Variants in CDK6 observed in about 807,000 individuals in gnomAD.
CDK6 encodes cyclin-dependent kinase 6.
A neutral mutation model predicts 37.1 loss-of-function variants in CDK6; 6 were observed. The observed-to-expected ratio is 0.16, with a 90% CI of 0.09 to 0.32. The LOEUF (loss-of-function observed/expected upper bound fraction) is 0.32. Among genes scored for constraint, CDK6 ranks in the 10% least tolerant of loss-of-function variants. The pLI, the probability that CDK6 is intolerant of heterozygous loss-of-function variation, is 1.00. For synonymous variants in CDK6, 160 were observed against 161.3 expected, an observed-to-expected ratio of 0.99 and a Z score of 0.06; for missense variants, 224 against 418.9, an observed-to-expected ratio of 0.53 and a Z score of 4.06.
At chr7:92,667,246 A>G (rs914444649) in intron 5 of CDK6, among the ~76,000 whole-genome samples, 4 of 152,190 alleles carry the variant, frequency 2.6e-5, no homozygotes, top group Non-Finnish European at 5.9e-5. Context: ...TATCTAGGCT[A>G]GGGTGTAGTG....
intron 5 of CDK6, among the ~76,000 whole-genome samples, chr7:92,650,246 C>T (rs1796542532): frequency 6.6e-6 from 1 of 152,136 alleles, no homozygotes; most frequent in Non-Finnish European, 1.5e-5. Context: ...CCCTAAAACC[C>T]CAATCCTTTT....
At chr7:92,817,903 C>T (rs1262964394) in intron 2 of CDK6, among the ~76,000 whole-genome samples, 1 of 151,686 alleles carries the variant, frequency 6.6e-6, no homozygotes, top group Non-Finnish European at 1.5e-5. Flanking sequence ...ACATTAAATG[C>T]AAAGAGATAA....
At chr7:92,772,711 C>T (rs1799747504) in intron 3 of CDK6, among the ~76,000 whole-genome samples, 1 of 151,854 alleles carries the variant, frequency 6.6e-6, no homozygotes, top group Admixed American at 6.6e-5. Context: ...TCCTGCTTGC[C>T]CCTCCACCCT....
intron 3 of CDK6, among the ~76,000 whole-genome samples, chr7:92,741,500 T>C (rs1239337785): frequency 6.6e-6 from 1 of 152,182 alleles, no homozygotes; most frequent in Non-Finnish European, 1.5e-5. Flanking sequence ...TCTGAATATA[T>C]ATAAAAATGT....
At chr7:92,772,658 T>C (rs576397021) in intron 3 of CDK6, among the ~76,000 whole-genome samples, 1 of 152,216 alleles carries the variant, frequency 6.6e-6, no homozygotes, top group East Asian at 1.9e-4. Context: ...TCTCCTCCCC[T>C]TTCTTACTTT....
chr7:92,773,447 A>G (rs1799769075), intron 3 of CDK6, among the ~76,000 whole-genome samples: 1 of 152,200 alleles, frequency 6.6e-6, no homozygotes, highest in South Asian at 2.1e-4. Flanking sequence ...AAACTGTATA[A>G]GAAAAAGGAC....
intron 4 of CDK6, among the ~76,000 whole-genome samples, chr7:92,693,837 T>C (rs934502465): frequency 3.3e-5 from 5 of 152,182 alleles, no homozygotes; most frequent in African/African-American, 1.2e-4. Context: ...ATTTTACAGA[T>C]TGTGAGAAGT....
At chr7:92,726,445 C>G (rs931097030) in intron 3 of CDK6, among the ~76,000 whole-genome samples, 1 of 152,088 alleles carries the variant, frequency 6.6e-6, no homozygotes, top group African/African-American at 2.4e-5. Context: ...GGATCTTGCT[C>G]TGTTGCCCAG....
rs1795559943 is a variant in CDK6 at position 92,611,410 on chromosome 7, A to G, written c.*3730T>C. On this transcript the variant is annotated 3_prime_UTR_variant, in exon 8 of 8. Transcript: ENST00000424848. Reference sequence around the variant, plus strand: ...AAAGCCTGCTTTTGGAAAATGTAAGACACTCTCATGTGCTTATCATAAGAA... The same window carrying G: ...AAAGCCTGCTTTTGGAAAATGTAAGGCACTCTCATGTGCTTATCATAAGAA... 1 of 227,444 alleles carries G rather than the reference A, an allele frequency of 4.4e-6. No homozygotes were observed. The allele number at this position is 227,444 out of a possible 1,614,324, so 14.1% of individuals were successfully genotyped here. A position where few individuals can be genotyped will look rare whatever the true frequency, so the allele number is the denominator to read the frequency against.
intron 2 of CDK6, among the ~76,000 whole-genome samples, chr7:92,784,324 A>C (rs1407909039): frequency 6.6e-6 from 1 of 152,226 alleles, no homozygotes; most frequent in Non-Finnish European, 1.5e-5. Context: ...CAGTTCCAAT[A>C]CAAAATAGAT....
At chr7:92,696,699 T>C (rs1797724982) in intron 4 of CDK6, among the ~76,000 whole-genome samples, 1 of 152,226 alleles carries the variant, frequency 6.6e-6, no homozygotes, top group Non-Finnish European at 1.5e-5. Context: ...GATTTAAAGA[T>C]GTTTGTCATC....
At chr7:92,787,154 C>T (rs1030912385) in intron 2 of CDK6, among the ~76,000 whole-genome samples, 1 of 145,364 alleles carries the variant, frequency 6.9e-6, no homozygotes, top group African/African-American at 2.6e-5. Context: ...CACACTCCAA[C>T]CTGGGCAACA....
intron 3 of CDK6, among the ~76,000 whole-genome samples, chr7:92,738,300 C>A (rs750197066): frequency 2.4e-4 from 37 of 152,022 alleles, no homozygotes; most frequent in Non-Finnish European, 5.0e-4. Context: ...ACTGGGTTAA[C>A]GATCTAATGA....
chr7:92,686,671 T>C (rs139865647), intron 4 of CDK6, among the ~76,000 whole-genome samples: 13 of 152,298 alleles, frequency 8.5e-5, no homozygotes, highest in Admixed American at 6.5e-4. Flanking sequence ...GATCCAATGA[T>C]AGCTCTACTT....
rs1795433546 is a variant in CDK6, at chr7:92,606,579, A to G, written c.*8561T>C. 4.3e-6 allele frequency: 1 copy of G among 233,262 alleles called. No homozygotes were observed. Among genetic ancestry groups the G allele is most frequent in the East Asian group, 6.0e-5 (1 of 16,568 alleles). The allele number at this position is 233,262 out of a possible 1,614,324, so 14.4% of individuals were successfully genotyped here. ...TGAGTATCTGATATACACAATTTCT[A>G]CATTTCTAGAACCATGATTTCAAAC... On this transcript the variant is annotated 3_prime_UTR_variant, in exon 8 of 8. Transcript: ENST00000424848.
chr7:92,814,555 CAAAAAAAAAAA>C (rs201939605), intron 2 of CDK6, among the ~76,000 whole-genome samples: 1 of 70,042 alleles, frequency 1.4e-5, no homozygotes, highest in East Asian at 5.2e-4. Context: ...AACTGAATTG[CAAAAAAAAAAA>C]AAAAAAAAAG....
At chr7:92,661,796 T>C (rs1480441274) in intron 5 of CDK6, among the ~76,000 whole-genome samples, 4 of 152,152 alleles carry the variant, frequency 2.6e-5, no homozygotes, top group Non-Finnish European at 4.4e-5. Context: ...CTGAAAATAA[T>C]CTGTATATAA....
intron 5 of CDK6, among the ~76,000 whole-genome samples, chr7:92,638,574 T>C (rs1796228870): frequency 6.6e-6 from 1 of 152,182 alleles, no homozygotes; most frequent in Admixed American, 6.5e-5. Context: ...CCCTCCAGAC[T>C]GGGCAGGAAC....
chr7:92,722,997 C>T (rs1478486973), intron 4 of CDK6, among the ~76,000 whole-genome samples: 5 of 152,114 alleles, frequency 3.3e-5, no homozygotes, highest in African/African-American at 1.2e-4. Flanking sequence ...CCAGCCTGGC[C>T]AACATGGCAA....
Sources: gnomAD v4.1 joint callset for allele counts (sites outside exome capture counted in the v4.1 genomes callset) on GRCh38, gnomAD v4.1.1 for gene constraint, MANE v1.5 for transcripts, NCBI Gene and HGNC (gene_info 2026-07-23, HGNC 2026-07-21) for gene names.